RALYL: variants seen among roughly 807,000 people sequenced by gnomAD.
RALYL encodes RNA-binding Raly-like protein.
In RALYL, 29 loss-of-function variants were observed where a neutral mutation model predicts 35.1. That is an observed-to-expected ratio of 0.83 (90% CI 0.61 to 1.13). The LOEUF is 1.13. RALYL is among the 50% of genes most tolerant of loss of function. The probability of loss-of-function intolerance (pLI) is 0.00; values close to 1 mark genes in which losing one functional copy is unlikely to be tolerated. For synonymous variants in RALYL, 120 were observed against 127.6 expected (o/e 0.94, Z 0.40); for missense variants, 359 against 360.4 (o/e 1.00, Z 0.03).
At chr8:84,484,047 C>G (rs2054333279) in intron 1 of RALYL, among the ~76,000 whole-genome samples, 1 of 151,940 alleles carries the variant, frequency 6.6e-6, no homozygotes, top group African/African-American at 2.4e-5. Context: ...TTTTGAAACA[C>G]TTTCATTGAG....
At chr8:84,543,996 A>C (rs1368999595) in intron 2 of RALYL, among the ~76,000 whole-genome samples, 2 of 152,056 alleles carry the variant, frequency 1.3e-5, no homozygotes, top group Non-Finnish European at 2.9e-5. Context: ...AGTCTCAGAA[A>C]AACAGTACCA....
In RALYL at chr8:84,359,423, C is replaced by T. The variant is rs543747870; in HGVS notation, c.-23-169876C>T. Among the ~76,000 whole-genome samples, 29 of 151,908 alleles carry T rather than the reference C, an allele frequency of 1.9e-4. No homozygotes were observed. The South Asian group carries it at 6.0e-3, about 32-fold the overall frequency. ...ATAAATTTGTTGTAAGAAAGTAAGA[C>T]AATATTCTGTTTATAATATATTTGT... On this transcript the variant is annotated intron_variant, in intron 1 of 8. Coordinates refer to ENST00000521268, the MANE Select transcript of RALYL (RefSeq NM_173848.7).
chr8:84,907,310 TCACACACACACACACACACACACACACA>T (rs71273918), intron 8 of RALYL, among the ~76,000 whole-genome samples: 1 of 148,150 alleles, frequency 6.7e-6, no homozygotes, highest in East Asian at 2.0e-4. Flanking sequence ...AGATATAGCG[TCACACACACACACACACACACACACACA>T]CACACACACA....
chr8:84,762,143 G>C (rs1812862103), intron 2 of RALYL, among the ~76,000 whole-genome samples: 1 of 151,976 alleles, frequency 6.6e-6, no homozygotes, highest in South Asian at 2.1e-4. Flanking sequence ...AGACATGAAG[G>C]GCAAGAGAGG....
intron 4 of RALYL, among the ~76,000 whole-genome samples, chr8:84,814,493 T>C (rs1260019170): frequency 6.6e-6 from 1 of 152,208 alleles, no homozygotes; most frequent in African/African-American, 2.4e-5. Context: ...AGTAGAAATA[T>C]TGATACATTT....
intron 2 of RALYL, among the ~76,000 whole-genome samples, chr8:84,589,905 G>T (rs180802996): frequency 3.7e-4 from 57 of 152,250 alleles, no homozygotes; most frequent in African/African-American, 1.3e-3. Context: ...CACATTATCT[G>T]TACATTGAAC....
At chr8:84,809,242 T>G (rs1365593766) in intron 4 of RALYL, among the ~76,000 whole-genome samples, 4 of 152,194 alleles carry the variant, frequency 2.6e-5, no homozygotes, top group Non-Finnish European at 4.4e-5. Flanking sequence ...GAGGTTATCA[T>G]GTGATTTTTA....
chr8:84,402,114 C>T (rs531163964), intron 1 of RALYL, among the ~76,000 whole-genome samples: 1 of 152,226 alleles, frequency 6.6e-6, no homozygotes, highest in East Asian at 1.9e-4. Context: ...TTCTGCTTTC[C>T]GTGTGAGTTG....
intron 1 of RALYL, among the ~76,000 whole-genome samples, chr8:84,418,723 T>C (rs2045050908): frequency 6.6e-6 from 1 of 152,156 alleles, no homozygotes; most frequent in Non-Finnish European, 1.5e-5. Context: ...AAAATTTATA[T>C]TCACTGGGAC....
At chr8:84,699,876 T>C (rs1839891799) in intron 2 of RALYL, among the ~76,000 whole-genome samples, 1 of 152,186 alleles carries the variant, frequency 6.6e-6, no homozygotes, top group South Asian at 2.1e-4. Flanking sequence ...ATAGCCAACA[T>C]TTATTAAAAA....
At chr8:84,504,074 G>T (rs1185359137) in intron 1 of RALYL, among the ~76,000 whole-genome samples, 1 of 151,828 alleles carries the variant, frequency 6.6e-6, no homozygotes, top group African/African-American at 2.4e-5. Context: ...GAAAGAGAGA[G>T]AATCCTGGGA....
chr8:84,403,243 G>A (rs544537528), intron 1 of RALYL, among the ~76,000 whole-genome samples: 3 of 152,048 alleles, frequency 2.0e-5, no homozygotes, highest in South Asian at 4.2e-4. Context: ...CCATTCCTAC[G>A]TCCTGAATGG....
At chr8:84,727,786 C>G (rs1353571255) in intron 2 of RALYL, among the ~76,000 whole-genome samples, 6 of 151,964 alleles carry the variant, frequency 3.9e-5, no homozygotes, top group Non-Finnish European at 8.8e-5. Context: ...ATCCATGTCC[C>G]TACAAAGGAC....
intron 1 of RALYL, among the ~76,000 whole-genome samples, chr8:84,378,174 C>T (rs1170404139): frequency 6.6e-6 from 1 of 151,788 alleles, no homozygotes; most frequent in African/African-American, 2.4e-5. Context: ...TGCTTATATC[C>T]GTTTATGCCT....
chr8:84,730,635 C>G (rs1303295263), intron 2 of RALYL, among the ~76,000 whole-genome samples: 2 of 149,658 alleles, frequency 1.3e-5, no homozygotes, highest in African/African-American at 5.0e-5. Flanking sequence ...TCTAGAAGAC[C>G]CCATTGTCTC....
intron 2 of RALYL, among the ~76,000 whole-genome samples, chr8:84,616,690 G>A (rs1363108075): frequency 8.6e-5 from 13 of 151,726 alleles, no homozygotes; most frequent in South Asian, 6.2e-4. Context: ...GAATGGTAAT[G>A]CCTAGGTTTT....
intron 2 of RALYL, among the ~76,000 whole-genome samples, chr8:84,726,321 T>C (rs1020443597): frequency 6.8e-6 from 1 of 147,184 alleles, no homozygotes; most frequent in Non-Finnish European, 1.5e-5. Context: ...TATAAATATA[T>C]AATTATATAT....
Position 84,601,276 on chromosome 8 carries a change from C to G in RALYL, c.256+71699C>G, listed in dbSNP as rs556112089. Among the ~76,000 whole-genome samples, 3 of 152,044 alleles carry G rather than the reference C, an allele frequency of 2.0e-5. No individual in the cohort carries two copies. In the East Asian group the frequency reaches 5.8e-4, roughly 30 times the overall value. On this transcript the variant is annotated intron_variant, in intron 2 of 8. Coordinates refer to ENST00000521268, the MANE Select transcript of RALYL (RefSeq NM_173848.7). ...GATGAGATGCAGACAAGTTATGGCC[C>G]CAGATATGAGAGGTCATCAGGAGGA...
rs543465039 is a variant in RALYL, at chr8:84,480,061, G to A, written c.-23-49238G>A. Among the ~76,000 whole-genome samples the A allele has an allele frequency of 4.6e-5, 7 of 152,210 alleles. No homozygotes were observed. In the East Asian group the frequency reaches 5.8e-4, roughly 13 times the overall value. On this transcript the variant is annotated intron_variant, in intron 1 of 8. Coordinates refer to ENST00000521268, the MANE Select transcript of RALYL (RefSeq NM_173848.7). The stretch of plus-strand genomic sequence containing the variant: ...AAAAGTGTAATATCTGATATGTGTC[G>A]AATACATATGGACGAGTAGACCAGT...
Sources: allele counts gnomAD v4.1 joint callset (sites outside exome capture counted in the v4.1 genomes callset), GRCh38; gene constraint gnomAD v4.1.1; transcripts MANE v1.5; gene names NCBI Gene and HGNC (gene_info 2026-07-23, HGNC 2026-07-21).